Variants in LMBR1 observed in about 807,000 individuals in gnomAD.
LMBR1 encodes limb development membrane protein 1.
In LMBR1, 52 loss-of-function variants were observed where a neutral mutation model predicts 73.9. That is an observed-to-expected ratio of 0.70 (90% confidence interval 0.56 to 0.89). LMBR1 has a LOEUF of 0.89. Ranked by LOEUF, LMBR1 falls within the 40% of genes least tolerant of loss-of-function variation. LMBR1 has a pLI of 0.00. For synonymous variants in LMBR1, 215 were observed against 209.4 expected (o/e 1.03, Z -0.23); for missense variants, 539 against 579.8 (o/e 0.93, Z 0.72).
At position 156,734,263 on chromosome 7, in the gene LMBR1, C is replaced by A; in HGVS notation, c.758-6G>T. 1.3e-6 allele frequency: 2 copies of A among 1,583,602 alleles called. No individual in the cohort carries two copies. Among genetic ancestry groups the A allele is most frequent in the Non-Finnish European group, 1.7e-6 (2 of 1,168,318 alleles). On this transcript the variant is annotated splice_polypyrimidine_tract_variant and splice_region_variant and intron_variant, in intron 9 of 16. Transcript: ENST00000353442. ...TTCCACCGATGAAGACAGCCCTGTT[C>A]AAAGCAAAAAATATTTAGAAGTAAA...
chr7:156,672,467 C>A (rs956059830), intron 4 of LMBR1, among the ~76,000 whole-genome samples: 1 of 152,144 alleles, frequency 6.6e-6, no homozygotes, highest in African/African-American at 2.4e-5. Flanking sequence ...ATCAATAGGG[C>A]CACTTAGGAG....
At chr7:156,732,449 C>A (rs1361231052) in intron 10 of LMBR1, among the ~76,000 whole-genome samples, 1 of 152,096 alleles carries the variant, frequency 6.6e-6, no homozygotes, top group Non-Finnish European at 1.5e-5. Context: ...AGACAGGAGA[C>A]TGAAGCACAG....
At chr7:156,671,218 G>A (rs1209829818) in intron 4 of LMBR1, among the ~76,000 whole-genome samples, 1 of 152,222 alleles carries the variant, frequency 6.6e-6, no homozygotes, top group Non-Finnish European at 1.5e-5. Context: ...AGACAGAGCA[G>A]GATGGGTGCA....
chr7:156,820,884 G>C (rs1379222460), intron 4 of LMBR1, among the ~76,000 whole-genome samples: 2 of 152,224 alleles, frequency 1.3e-5, no homozygotes, highest in Non-Finnish European at 2.9e-5. Context: ...GTGTCTGAAA[G>C]GGCAGAGGCA....
At chr7:156,756,334 A>G (rs1821868724) in intron 9 of LMBR1, 59 bp downstream of exon 9, 1 of 837,188 alleles carries the variant, frequency 1.2e-6, no homozygotes, top group Non-Finnish European at 2.0e-6. Context: ...TCAATTATCT[A>G]TCTTTTTGAA....
intron 5 of LMBR1, among the ~76,000 whole-genome samples, chr7:156,793,806 G>A (rs369707423): frequency 1.5e-4 from 23 of 152,238 alleles, no homozygotes; most frequent in African/African-American, 5.1e-4. Flanking sequence ...TGCATTACAT[G>A]AATAATCACA....
rs1409402913 is a variant in LMBR1, at chr7:156,851,240, T to G, written c.67-14355A>C. Among the ~76,000 whole-genome samples, 4 of 152,118 alleles carry G rather than the reference T, an allele frequency of 2.6e-5. No individual in the cohort carries two copies. The East Asian group carries it at 7.7e-4, about 29-fold the overall frequency. On this transcript the variant is annotated intron_variant, in intron 1 of 16. Coordinates refer to ENST00000353442, the MANE Select transcript of LMBR1 (RefSeq NM_022458.4). ...CTTCAAAACAGAGAAGTAAACAAAA[T>G]TACCAATGCCCTATCTTCAGAACAA... is the stretch of plus-strand genomic sequence containing the variant.
At chr7:156,731,894 C>T (rs556731373) in intron 10 of LMBR1, among the ~76,000 whole-genome samples, 56 of 150,168 alleles carry the variant, frequency 3.7e-4, no homozygotes, top group Non-Finnish European at 7.2e-4. Flanking sequence ...GGCACATATA[C>T]AATGATCTTG....
In LMBR1 at chr7:156,841,219, A is replaced by T. The variant is rs995009138; in HGVS notation, c.67-4334T>A. Among the ~76,000 whole-genome samples the T allele has an allele frequency of 2.1e-4, 32 of 152,128 alleles. 1 individual carries two copies. The highest frequency in any genetic ancestry group is 7.5e-4 in the African/African-American group (31 of 41,416). On this transcript the variant is annotated intron_variant, in intron 1 of 16. Coordinates refer to ENST00000353442, the MANE Select transcript of LMBR1 (RefSeq NM_022458.4). ...GCCATTTCAGGACTCAGGAAAGATT[A>T]GAAGAGGAGTAGTTTTGAGGGAGAA...
chr7:156,766,168 C>A (rs950891094), intron 5 of LMBR1, among the ~76,000 whole-genome samples: 14 of 152,036 alleles, frequency 9.2e-5, no homozygotes, highest in Non-Finnish European at 1.8e-4. Context: ...CAAGCAGAGG[C>A]AGGGACAGAC....
At chr7:156,748,827 T>C (rs1340686921) in intron 9 of LMBR1, among the ~76,000 whole-genome samples, 1 of 152,206 alleles carries the variant, frequency 6.6e-6, no homozygotes, top group Non-Finnish European at 1.5e-5. Context: ...TCTCTATATA[T>C]ATATTTCATA....
At position 156,826,890 on chromosome 7, in the gene LMBR1, A is replaced by G. The variant is rs74979817; in HGVS notation, c.180-146T>C. The G allele has an allele frequency of 4.4e-3, 3,072 of 704,300 alleles. 64 individuals are homozygous for G. In the African/African-American group the frequency reaches 0.048, roughly 11 times the overall value. 43.6% of individuals were successfully genotyped at this position (704,300 alleles called of 1,614,324 possible). The stretch of plus-strand genomic sequence containing the variant: ...TTAAATATATGTAGTTGGGAGACAA[A>G]TGATATACATATGGGCCTAGAAGTT... On this transcript the variant is annotated intron_variant, in intron 3 of 16. Transcript: ENST00000353442.
In LMBR1 at chr7:156,711,290, G is replaced by A. The variant is rs553872070; in HGVS notation, c.1225+12822C>T. Among the ~76,000 whole-genome samples the A allele has an allele frequency of 1.5e-4, 23 of 152,144 alleles. No homozygotes were observed. The South Asian group carries it at 2.1e-3, about 14-fold the overall frequency. Reference sequence around the variant, plus strand: ...TACGCCACTGCACTCCAGCCTGGGCGACAGAGCGAGACTCTGTCTCAAACA... The same window carrying A: ...TACGCCACTGCACTCCAGCCTGGGCAACAGAGCGAGACTCTGTCTCAAACA... On this transcript the variant is annotated intron_variant, in intron 15 of 16. Transcript: ENST00000353442.
chr7:156,864,247 T>C (rs1272592374), intron 1 of LMBR1, among the ~76,000 whole-genome samples: 1 of 152,142 alleles, frequency 6.6e-6, no homozygotes, highest in African/African-American at 2.4e-5. Context: ...CCAAAAAAGG[T>C]TGGTTTCATA....
chr7:156,762,070 CA>C, intron 8 of LMBR1, 63 bp downstream of exon 8: 1 of 899,138 alleles, frequency 1.1e-6, no homozygotes, highest in East Asian at 2.7e-5. Context: ...CTCACAATAT[CA>C]AAGACAATCA....
chr7:156,890,559 T>A (rs1452790813), intron 1 of LMBR1, among the ~76,000 whole-genome samples: 1 of 152,232 alleles, frequency 6.6e-6, no homozygotes, highest in Non-Finnish European at 1.5e-5. Flanking sequence ...TTCACAAGAT[T>A]TCCAAATGGC....
intron 13 of LMBR1, 75 bp from the exon 14 acceptor site, chr7:156,725,600 T>A: frequency 7.9e-7 from 1 of 1,271,412 alleles, no homozygotes; most frequent in Non-Finnish European, 1.1e-6. Flanking sequence ...CAAAAAGTCT[T>A]AAGGCCCATA....
intron 4 of LMBR1, among the ~76,000 whole-genome samples, chr7:156,807,288 T>C (rs1832313410): frequency 6.6e-6 from 1 of 152,232 alleles, no homozygotes; most frequent in South Asian, 2.1e-4. Context: ...TAGAAGAATC[T>C]GTGCAGAACT....
intron 14 of LMBR1, among the ~76,000 whole-genome samples, chr7:156,724,856 A>G (rs1815379913): frequency 1.3e-5 from 2 of 151,982 alleles, no homozygotes; most frequent in Admixed American, 1.3e-4. Flanking sequence ...AATAAAAACA[A>G]AACAAGCTTT....
Sources: gnomAD v4.1 joint callset for allele counts (sites outside exome capture counted in the v4.1 genomes callset) on GRCh38, gnomAD v4.1.1 for gene constraint, MANE v1.5 for transcripts, NCBI Gene and HGNC (gene_info 2026-07-23, HGNC 2026-07-21) for gene names.